ZRANB1: variants seen among roughly 807,000 people sequenced by gnomAD.
The protein encoded by ZRANB1 is zinc finger RANBP2-type containing 1.
Under a neutral mutation model 80.5 loss-of-function variants are expected in ZRANB1, and 16 were observed. The ratio of observed to expected loss-of-function variants is 0.20; its 90% CI spans 0.13 to 0.30. The LOEUF (loss-of-function observed/expected upper bound fraction) is 0.30, where lower values mean the gene tolerates loss of function less well. Among genes scored for constraint, ZRANB1 ranks in the 10% least tolerant of loss-of-function variants. The pLI is 1.00. For synonymous variants in ZRANB1, 291 were observed against 293.1 expected (o/e 0.99, Z 0.07); for missense variants, 576 against 862.6 (o/e 0.67, Z 4.16).
At chr10:124,963,537 GTTTTTTTTTTTTGTTTGTTTTTTTT>G (rs1951751495) in intron 1 of ZRANB1, among the ~76,000 whole-genome samples, 1 of 93,476 alleles carries the variant, frequency 1.1e-5, no homozygotes, top group Admixed American at 1.1e-4. Flanking sequence ...ATATTGTAAG[GTTTTTTTTTTTTGTTTGTTTTTTTT>G]TTTTTTTTTT....
At chr10:124,975,814 C>CA (rs113375396) in intron 5 of ZRANB1, among the ~76,000 whole-genome samples, 23 of 152,238 alleles carry the variant, frequency 1.5e-4, no homozygotes, top group African/African-American at 5.5e-4. Context: ...CCAGCCTGGC[C>CA]AACTTGTTGA....
chr10:124,930,056 T>A, the ZRANB1 span, among the ~76,000 whole-genome samples: 1 of 152,156 alleles, frequency 6.6e-6, no homozygotes, highest in Non-Finnish European at 1.5e-5. Flanking sequence ...AAGTTGATGT[T>A]ACATCAAGCT....
upstream of ZRANB1, among the ~76,000 whole-genome samples, chr10:124,941,153 A>C (rs983074622): frequency 9.9e-5 from 15 of 151,826 alleles, no homozygotes; most frequent in Non-Finnish European, 1.6e-4. Flanking sequence ...TACTGAGTTG[A>C]TAAAAGTATT....
chr10:124,972,697 G>T (rs1951837268), intron 3 of ZRANB1, among the ~76,000 whole-genome samples: 1 of 151,736 alleles, frequency 6.6e-6, no homozygotes, highest in South Asian at 2.1e-4. Context: ...TTGTCAGTTG[G>T]CATTGAATAA....
chr10:124,972,800 C>T (rs1183149604), intron 3 of ZRANB1, among the ~76,000 whole-genome samples: 9 of 148,924 alleles, frequency 6.0e-5, no homozygotes, highest in African/African-American at 1.2e-4. Context: ...TAGATTGAAA[C>T]GGGGTCTTGC....
At chr10:124,966,500 G>T (rs1951777625) in intron 1 of ZRANB1, 94 bp from the exon 2 acceptor site, 1 of 1,255,458 alleles carries the variant, frequency 8.0e-7, no homozygotes, top group Non-Finnish European at 1.1e-6. Context: ...GAAGCACAGA[G>T]AAACACTTAA....
chr10:124,930,684 A>G, the ZRANB1 span, among the ~76,000 whole-genome samples: 1 of 152,234 alleles, frequency 6.6e-6, no homozygotes, highest in African/African-American at 2.4e-5. Flanking sequence ...TTAAAGGGAA[A>G]TATTATAGGA....
At chr10:124,952,530 T>C (rs1951648527) in intron 1 of ZRANB1, among the ~76,000 whole-genome samples, 1 of 152,236 alleles carries the variant, frequency 6.6e-6, no homozygotes, top group South Asian at 2.1e-4. Flanking sequence ...AAGTTTGTGT[T>C]GTTTTAAGTC....
the ZRANB1 span, among the ~76,000 whole-genome samples, chr10:124,924,737 C>G: frequency 6.6e-6 from 1 of 152,062 alleles, no homozygotes; most frequent in African/African-American, 2.4e-5. Context: ...ATTTTTTCCA[C>G]TTTTTGGCTA....
chr10:124,942,940 G>A lies in ZRANB1; in HGVS notation c.447G>A (p.Arg149=). 1 of 1,614,192 alleles carries A rather than the reference G, an allele frequency of 6.2e-7. No individual in the cohort carries two copies. The stretch of plus-strand genomic sequence containing the variant: ...ATGATAGAAATAAACTGAACACTAG[G>A]ACACAGCACTGGACTTGCTCTGTTT... ...EYNDRNKLNT[R]TQHWTCSVCT... The change falls in exon 1 of 9, where the codon AGG becomes AGA. Residue 149 remains arginine, a synonymous_variant. Coordinates refer to ENST00000359653, the MANE Select transcript of ZRANB1 (RefSeq NM_017580.3).
At chr10:124,967,550 G>A (rs1458437566) in intron 2 of ZRANB1, among the ~76,000 whole-genome samples, 1 of 152,202 alleles carries the variant, frequency 6.6e-6, no homozygotes, top group Non-Finnish European at 1.5e-5. Context: ...TGGGCGCAGG[G>A]GAGTGAGCAG....
At chr10:124,958,519 A>T (rs1303824574) in intron 1 of ZRANB1, among the ~76,000 whole-genome samples, 2 of 152,124 alleles carry the variant, frequency 1.3e-5, no homozygotes, top group Admixed American at 1.3e-4. Flanking sequence ...AGTCTGTCAG[A>T]TTTTTTGTGT....
intron 5 of ZRANB1, among the ~76,000 whole-genome samples, chr10:124,979,212 C>T (rs1006660692): frequency 7.9e-5 from 12 of 152,224 alleles, no homozygotes; most frequent in Admixed American, 2.0e-4. Context: ...CTTCTAGCCT[C>T]AGCCTCCCAG....
In ZRANB1 at chr10:124,983,777, C is replaced by T; in HGVS notation, c.1908+89C>T. 2.3e-6 allele frequency: 2 copies of T among 887,898 alleles called. No homozygotes were observed. Among genetic ancestry groups the T allele is most frequent in the Middle Eastern group, 3.4e-4 (1 of 2,932 alleles). 55.0% of individuals were successfully genotyped at this position (887,898 alleles called of 1,614,324 possible). A position where few individuals can be genotyped will look rare whatever the true frequency, so the allele number is the denominator to read the frequency against. On this transcript the variant is annotated intron_variant, in intron 8 of 8. Coordinates refer to ENST00000359653, the MANE Select transcript of ZRANB1 (RefSeq NM_017580.3). The surrounding 1 kb of genome is among the most constrained non-coding windows in gnomAD (Gnocchi z 6.2). ...CCTTTCAGGTGTGGTTTTATCTGCA[C>T]TATCACTTAATTTCTGAATGTGATG...
In ZRANB1 at chr10:124,942,173, C is replaced by T. The variant is rs1951541484; in HGVS notation, c.-321C>T. 3 of 1,114,142 alleles carry T rather than the reference C, an allele frequency of 2.7e-6. No homozygotes were observed. The highest frequency in any genetic ancestry group is 5.9e-5 in the East Asian group (1 of 16,886). 69.0% of individuals were successfully genotyped at this position (1,114,142 alleles called of 1,614,324 possible). A position where few individuals can be genotyped will look rare whatever the true frequency, so the allele number is the denominator to read the frequency against. ...TTTCTATTAGTGGCTTCCCGTTAAT[C>T]TCATCCTTCTTAGATCAAACCTCGT... is the stretch of plus-strand genomic sequence containing the variant. On this transcript the variant is annotated 5_prime_UTR_variant, in exon 1 of 9. Transcript: ENST00000359653.
intron 1 of ZRANB1, among the ~76,000 whole-genome samples, chr10:124,959,171 C>G (rs1053085527): frequency 6.6e-6 from 1 of 152,134 alleles, no homozygotes; most frequent in Non-Finnish European, 1.5e-5. Context: ...GAGCATAGAA[C>G]CTAATCTCAT....
chr10:124,927,113 G>T, the ZRANB1 span, among the ~76,000 whole-genome samples: 2 of 152,020 alleles, frequency 1.3e-5, no homozygotes, highest in African/African-American at 4.8e-5. Context: ...CCGCCACCTC[G>T]CCCGGCTAAT....
chr10:124,963,554 G>GTTTTTTTTT (rs760813299), intron 1 of ZRANB1, among the ~76,000 whole-genome samples: 2 of 57,508 alleles, frequency 3.5e-5, no homozygotes, highest in Non-Finnish European at 6.5e-5. Flanking sequence ...TTTTTTGTTT[G>GTTTTTTTTT]TTTTTTTTTT....
At chr10:124,982,903 A>T (rs889336975) in intron 6 of ZRANB1, among the ~76,000 whole-genome samples, 1 of 152,184 alleles carries the variant, frequency 6.6e-6, no homozygotes, top group Non-Finnish European at 1.5e-5. Context: ...GAGGTTGGAG[A>T]GTTAGTAGTG....
Sources: allele counts gnomAD v4.1 joint callset (sites outside exome capture counted in the v4.1 genomes callset), GRCh38; gene constraint gnomAD v4.1.1; non-coding constraint Gnocchi (gnomAD v3.1); transcripts MANE v1.5; gene names NCBI Gene and HGNC (gene_info 2026-07-23, HGNC 2026-07-21).